Variants in TENM2 observed in about 807,000 individuals in gnomAD.
TENM2 encodes teneurin-2.
A neutral mutation model predicts 245.2 loss-of-function variants in TENM2; 52 were observed. That is an observed-to-expected ratio of 0.21 (90% confidence interval 0.17 to 0.27). The LOEUF is 0.27. Among genes scored for constraint, TENM2 ranks in the 10% least tolerant of loss-of-function variants. TENM2 has a pLI of 1.00. For missense variants in TENM2, 3,046 were observed against 3,666.8 expected (o/e 0.83, Z 4.37); for synonymous variants, 1,363 against 1,438.9 (o/e 0.95, Z 1.19).
the TENM2 span, among the ~76,000 whole-genome samples, chr5:167,083,880 A>G: frequency 1.3e-5 from 2 of 152,266 alleles, no homozygotes; most frequent in East Asian, 3.9e-4. Context: ...TTCATGAGAC[A>G]AATAATTCTG....
At chr5:167,300,557 T>C (rs1349390440) in intron 1 of TENM2, among the ~76,000 whole-genome samples, 1 of 152,166 alleles carries the variant, frequency 6.6e-6, no homozygotes, top group Admixed American at 6.5e-5. Flanking sequence ...TGAGAGTTTA[T>C]AGGCTTTAAA....
At chr5:167,280,824 C>A (rs1362599943), upstream of TENM2, among the ~76,000 whole-genome samples, 2 of 151,042 alleles carry the variant, frequency 1.3e-5, no homozygotes, top group South Asian at 4.2e-4. Context: ...TATCTAATTT[C>A]TTTTTGCCAT....
chr5:168,200,055 C>T, exon 17 of TENM2: 1 of 1,613,866 alleles, frequency 6.2e-7, no homozygotes. Context: ...AGGCTTCTCC[C>T]AACCTGGCCT....
At chr5:168,235,977 T>C (rs980989551) in intron 25 of TENM2, among the ~76,000 whole-genome samples, 1 of 152,160 alleles carries the variant, frequency 6.6e-6, no homozygotes, top group African/African-American at 2.4e-5. Context: ...GAAAAGCCTC[T>C]ATGCTAAAGC....
rs756284185 is a variant in TENM2, at chr5:168,062,114, G to A, written c.1364G>A (p.Arg455Gln). Reference sequence around the variant, plus strand: ...GACAGTGGTGAAGCAGAAGTTGGTCGGCGGGTAACACAAGAAGTCCCACCA... The same window carrying A: ...GACAGTGGTGAAGCAGAAGTTGGTCAGCGGGTAACACAAGAAGTCCCACCA... Residue 455 changes from arginine to glutamine, a missense_variant, in exon 7 of 29, where the codon CGG (arginine) becomes CAG (glutamine). By Grantham distance (43) the Arg-to-Gln change is conservative. Around this residue, in one of 2 missense-constraint regions of TENM2, gnomAD observed 2,704 missense variants for 3,331.9 expected, o/e 0.81. Transcript: ENST00000518659. 2.0e-5 allele frequency: 33 copies of A among 1,612,704 alleles called. No individual in the cohort carries two copies. Among genetic ancestry groups the A allele is most frequent in the African/African-American group, 5.4e-5 (4 of 74,706 alleles).
intron 3 of TENM2, among the ~76,000 whole-genome samples, chr5:167,901,009 G>A (rs1169351463): frequency 6.7e-6 from 1 of 149,278 alleles, no homozygotes; most frequent in African/African-American, 2.6e-5. Flanking sequence ...TTAATTCCTT[G>A]AATTTTTTTT....
intron 2 of TENM2, among the ~76,000 whole-genome samples, chr5:167,520,687 G>T (rs1163778817): frequency 1.3e-5 from 2 of 151,936 alleles, no homozygotes; most frequent in African/African-American, 2.4e-5. Context: ...GAAGTGTGTG[G>T]CTTGCCTTCT....
intron 2 of TENM2, among the ~76,000 whole-genome samples, chr5:167,811,421 C>A (rs868519661): frequency 6.6e-6 from 1 of 152,068 alleles, no homozygotes; most frequent in South Asian, 2.1e-4. Flanking sequence ...ATGTGAGGTG[C>A]AAGCTTCTGC....
At chr5:168,075,037 C>A (rs1348990927) in intron 7 of TENM2, among the ~76,000 whole-genome samples, 2 of 152,144 alleles carry the variant, frequency 1.3e-5, no homozygotes. Context: ...ACCCATCACC[C>A]AAGCAGTGTA....
intron 2 of TENM2, among the ~76,000 whole-genome samples, chr5:167,798,971 T>C (rs1260725091): frequency 1.3e-5 from 2 of 152,196 alleles, no homozygotes; most frequent in Non-Finnish European, 2.9e-5. Context: ...CTGCCGTCCA[T>C]GAACACCTAA....
At chr5:167,669,462 T>C (rs991238234) in intron 2 of TENM2, among the ~76,000 whole-genome samples, 9 of 152,204 alleles carry the variant, frequency 5.9e-5, no homozygotes, top group African/African-American at 2.2e-4. Context: ...TGAAGACAGT[T>C]AAGATGGAGG....
chr5:167,217,746 A>T, the TENM2 span, among the ~76,000 whole-genome samples: 6 of 148,458 alleles, frequency 4.0e-5, no homozygotes, highest in African/African-American at 1.5e-4. Context: ...AATATATGTG[A>T]TATGTGAGAC....
chr5:167,275,270 T>C, the TENM2 span, among the ~76,000 whole-genome samples: 2 of 152,140 alleles, frequency 1.3e-5, no homozygotes, highest in Non-Finnish European at 1.5e-5. Context: ...CCTGTGGCTC[T>C]ATAAGTCTTA....
chr5:167,036,072 A>G, the TENM2 span, among the ~76,000 whole-genome samples: 7 of 152,288 alleles, frequency 4.6e-5, no homozygotes, highest in South Asian at 1.5e-3. Context: ...AGTCCTGCAA[A>G]GAAAGTTAAA....
chr5:167,237,013 G>C, the TENM2 span, among the ~76,000 whole-genome samples: 1 of 151,840 alleles, frequency 6.6e-6, no homozygotes, highest in East Asian at 1.9e-4. Flanking sequence ...TCTCCTCTTA[G>C]GTGCAGATGG....
intron 2 of TENM2, among the ~76,000 whole-genome samples, chr5:167,868,736 TAAA>T (rs11345222): frequency 0.012 from 1,453 of 123,440 alleles, 24 homozygotes; most frequent in African/African-American, 0.041. Context: ...AGATTCTGTC[TAAA>T]AAAAAAAAAA....
At chr5:167,437,503 C>G (rs957949919) in intron 2 of TENM2, among the ~76,000 whole-genome samples, 1 of 152,058 alleles carries the variant, frequency 6.6e-6, no homozygotes, top group African/African-American at 2.4e-5. Context: ...TGAGTTAATG[C>G]TGAAATGAGT....
intron 2 of TENM2, among the ~76,000 whole-genome samples, chr5:167,405,434 T>G (rs1762576558): frequency 6.6e-6 from 1 of 152,120 alleles, no homozygotes; most frequent in Admixed American, 6.6e-5. Context: ...ATATTGCCCC[T>G]TGGCCCAATG....
At position 167,722,734 on chromosome 5, in the gene TENM2, G is replaced by A. The variant is rs182996204; in HGVS notation, c.503-153252G>A. Among the ~76,000 whole-genome samples, 5 of 152,048 alleles carry A rather than the reference G, an allele frequency of 3.3e-5. No homozygotes were observed. The East Asian group carries it at 9.7e-4, about 29-fold the overall frequency. On this transcript the variant is annotated intron_variant, in intron 2 of 28. Transcript: ENST00000518659. ...GGAGACTGCAGTGAGCCGAGATTGC[G>A]CCACTGCACTCCAGCCTGGCCATAG...
Sources: allele counts gnomAD v4.1 joint callset (sites outside exome capture counted in the v4.1 genomes callset), GRCh38; gene constraint gnomAD v4.1.1; regional missense constraint gnomAD v4.1.1; transcripts MANE v1.5; gene names NCBI Gene and HGNC (gene_info 2026-07-23, HGNC 2026-07-21).